The following SRCAP variants were observed in gnomAD, a reference collection of about 807,000 sequenced individuals.
SRCAP encodes chromatin remodeling protein SRCAP.
A neutral mutation model predicts 263.1 loss-of-function variants in SRCAP; 46 were observed. The observed-to-expected ratio is 0.17, with a 90% CI of 0.14 to 0.22. The LOEUF is 0.22. SRCAP is among the 10% of genes least tolerant of loss of function. The pLI is 1.00. For missense variants in SRCAP, 3,695 were observed against 4,181.9 expected, an observed-to-expected ratio of 0.88 and a Z score of 3.21; for synonymous variants, 1,813 against 1,662.1, an observed-to-expected ratio of 1.09 and a Z score of -2.21.
intron 6 of SRCAP, among the ~76,000 whole-genome samples, chr16:30,708,398 C>A (rs1170115730): frequency 6.6e-6 from 1 of 151,358 alleles, no homozygotes; most frequent in East Asian, 1.9e-4. Flanking sequence ...TTTTTAATTT[C>A]TTTTTTTTTA....
At position 30,704,165 on chromosome 16, in the gene SRCAP, T is replaced by G; in HGVS notation, c.156T>G (p.Ala52=). 6.2e-7 allele frequency: 1 copy of G among 1,614,132 alleles called. No individual in the cohort carries two copies. The highest frequency in any genetic ancestry group is 8.5e-7 in the Non-Finnish European group (1 of 1,180,028). ...GCGGCATCTCCCCGCAGCACATAGCTCAAGATTCCTCACTGGATGGACCTC... is the reference window on the plus strand; with the variant it reads ...GCGGCATCTCCCCGCAGCACATAGCGCAAGATTCCTCACTGGATGGACCTC... ...GAGGISPQHI[A]QDSSLDGPPG... The change falls in exon 4 of 34, where the codon GCT becomes GCG. Residue 52 remains alanine, a synonymous_variant. Transcript: ENST00000262518.
chr16:30,699,642 C>T (rs913422754), intron 1 of SRCAP, among the ~76,000 whole-genome samples: 5 of 151,952 alleles, frequency 3.3e-5, no homozygotes, highest in Non-Finnish European at 5.9e-5. Context: ...CTTTTTTTTG[C>T]TGTATTTTTT....
chr16:30,736,467 G>A lies in SRCAP; in HGVS notation c.6924+73G>A, dbSNP rs2053161513. The A allele has an allele frequency of 1.9e-6, 3 of 1,609,886 alleles. No homozygotes were observed. In the Admixed American group the frequency reaches 5.0e-5, roughly 27 times the overall value. On this transcript the variant is annotated intron_variant, in intron 32 of 33. Transcript: ENST00000262518. ...TTGTGACCCTCCTTTTGTCTTCCCT[G>A]GTGGGAATAAATAAGGGTGGTGGGG...
At position 30,736,200 on chromosome 16, in the gene SRCAP, G is replaced by A. The variant is rs2053159398; in HGVS notation, c.6730G>A (p.Ala2244Thr). Residue 2244 changes from alanine (A) to threonine (T), a missense_variant and splice_region_variant, in exon 32 of 34, where the codon GCA becomes ACA. Physicochemically the swap from Ala to Thr is moderately conservative, Grantham distance 58. This residue lies in a region of SRCAP where 53 missense variants were observed against 45.6 expected (regional missense o/e 1.16). Coordinates refer to ENST00000262518, the MANE Select transcript of SRCAP (RefSeq NM_006662.3). ...CTTTTTCTTTTATACACCCTGGTAGGCATTGTGTCGGGCAGAAGATGAAGA... is the reference window on the plus strand; with the variant it reads ...CTTTTTCTTTTATACACCCTGGTAGACATTGTGTCGGGCAGAAGATGAAGA... Reference protein sequence around the residue: ...ASKQTHILEQALCRAEDEEDI... With the variant: ...ASKQTHILEQTLCRAEDEEDI... 6.2e-7 allele frequency: 1 copy of A among 1,613,908 alleles called. No individual in the cohort carries two copies. The highest frequency in any genetic ancestry group is 1.7e-5 in the Admixed American group (1 of 59,994).
Position 30,700,753 on chromosome 16 carries a change from T to C in SRCAP, c.-72T>C. The C allele has an allele frequency of 6.8e-7, 1 of 1,460,456 alleles. No individual in the cohort carries two copies. The highest frequency in any genetic ancestry group is 9.5e-7 in the Non-Finnish European group (1 of 1,050,550). 90.5% of individuals were successfully genotyped at this position (1,460,456 alleles called of 1,614,324 possible). A position where few individuals can be genotyped will look rare whatever the true frequency, so the allele number is the denominator to read the frequency against. ...TGCCCTGCAGCCGGACGCCAGCCCC[T>C]CGGCCAGCAGTACTGGTGATAACAA... On this transcript the variant is annotated 5_prime_UTR_variant, in exon 3 of 34. Transcript: ENST00000262518.
chr16:30,714,191 A>G (rs1326531664), intron 16 of SRCAP, among the ~76,000 whole-genome samples: 8 of 150,996 alleles, frequency 5.3e-5, no homozygotes, highest in Admixed American at 5.3e-4. Context: ...CAGCCTCCCG[A>G]GTAGCTGGGA....
chr16:30,713,143 A>G lies in SRCAP; in HGVS notation c.2131-65A>G, dbSNP rs2052910612. 6 of 1,521,212 alleles carry G rather than the reference A, an allele frequency of 3.9e-6. No individual in the cohort carries two copies. In the South Asian group the frequency reaches 4.5e-5, roughly 11 times the overall value. The allele number at this position is 1,521,212 out of a possible 1,614,324, so 94.2% of individuals were successfully genotyped here. A position where few individuals can be genotyped will look rare whatever the true frequency, so the allele number is the denominator to read the frequency against. ...ATTACTGTCCTTTGAGGAGTTTAGCATGTCTTCCCTTTGCTCTCTTCTTTT... is the reference window on the plus strand; with the variant it reads ...ATTACTGTCCTTTGAGGAGTTTAGCGTGTCTTCCCTTTGCTCTCTTCTTTT... On this transcript the variant is annotated intron_variant, in intron 14 of 33. Coordinates refer to ENST00000262518, the MANE Select transcript of SRCAP (RefSeq NM_006662.3).
chr16:30,728,873 T>G, intron 25 of SRCAP, 93 bp from the exon 26 acceptor site: 2 of 1,410,712 alleles, frequency 1.4e-6, no homozygotes, highest in Non-Finnish European at 1.9e-6. Context: ...ATCCCATGGT[T>G]TCTATATATT....
At position 30,709,841 on chromosome 16, in the gene SRCAP, C is replaced by T. The variant is rs1268089057; in HGVS notation, c.857-10C>T. On this transcript the variant is annotated splice_polypyrimidine_tract_variant and intron_variant, in intron 7 of 33. Coordinates refer to ENST00000262518, the MANE Select transcript of SRCAP (RefSeq NM_006662.3). ...CCCGTGGACTTTGTGACCTTGTTCT[C>T]CTGCTATAGATGGGGACTTTCAACC... The T allele has an allele frequency of 6.2e-7, 1 of 1,613,742 alleles. No homozygotes were observed. The highest frequency in any genetic ancestry group is 8.5e-7 in the Non-Finnish European group (1 of 1,179,724).
chr16:30,729,197 C>G lies in SRCAP; in HGVS notation c.5890C>G (p.Gln1964Glu), dbSNP rs200516087. 2.5e-6 allele frequency: 4 copies of G among 1,611,890 alleles called. No individual in the cohort carries two copies. The highest frequency in any genetic ancestry group is 1.3e-5 in the African/African-American group (1 of 74,990). ...CCACCGGGCTGTACTGTTTCCCCAG[C>G]AGCGACTAGACCAGCTGTCAGAAAT... ...AAHRAVLFPQ[Q>E]RLDQLSEIIE... The change falls in exon 26 of 34, where the codon CAG becomes GAG. Residue 1964 changes from glutamine (Q) to glutamate (E), a missense_variant. Gln to Glu is a conservative substitution (Grantham distance 29). Around this residue, in one of 12 missense-constraint regions of SRCAP, gnomAD observed 1,347 missense variants for 1,304.4 expected, o/e 1.03. Transcript: ENST00000262518.
At chr16:30,725,818 T>C (rs1260327388) in intron 25 of SRCAP, 1 of 151,118 alleles carries the variant, frequency 6.6e-6, no homozygotes, top group Non-Finnish European at 1.5e-5. Context: ...CAGATGGGGG[T>C]CTCCCACTCT....
Position 30,725,117 on chromosome 16 carries a change from T to C in SRCAP, c.5658+35T>C, listed in dbSNP as rs1051619796. The C allele has an allele frequency of 1.9e-6, 3 of 1,565,216 alleles. No homozygotes were observed. The African/African-American group carries it at 4.1e-5, about 21-fold the overall frequency. ...ACTTCCTCAAGAGGGAACAGGAAGT[T>C]GAGTTTCTTTGGAGTGTTGGTAGGG... is the stretch of plus-strand genomic sequence containing the variant. On this transcript the variant is annotated intron_variant, in intron 25 of 33. Transcript: ENST00000262518.
At position 30,722,260 on chromosome 16, in the gene SRCAP, C is replaced by T; in HGVS notation, c.3680C>T (p.Ala1227Val). 1 of 1,614,082 alleles carries T rather than the reference C, an allele frequency of 6.2e-7. No individual in the cohort carries two copies. Among genetic ancestry groups the T allele is most frequent in the Non-Finnish European group, 8.5e-7 (1 of 1,179,998 alleles). ...TLTGAQVRQL[A>V]VGQPRPLQRN... ...ACTGGTGCCCAGGTGCGCCAGCTTG[C>T]TGTGGGGCAGCCCCGCCCGCTGCAA... The change falls in exon 22 of 34, where the codon GCT (alanine) becomes GTT (valine). Residue 1227 changes from alanine (A) to valine (V), a missense_variant. Ala to Val is a moderately conservative substitution (Grantham distance 64, BLOSUM62 0). Transcript: ENST00000262518.
At chr16:30,706,100 T>G (rs2052824574) in intron 4 of SRCAP, among the ~76,000 whole-genome samples, 1 of 152,182 alleles carries the variant, frequency 6.6e-6, no homozygotes, top group African/African-American at 2.4e-5. Flanking sequence ...TCAGGCCATT[T>G]AGTCCTGTCT....
Position 30,724,470 on chromosome 16 carries a change from C to G in SRCAP, c.5046C>G (p.Ala1682=), listed in dbSNP as rs763881198. 16 of 1,614,092 alleles carry G rather than the reference C, an allele frequency of 9.9e-6. No individual in the cohort carries two copies. The highest frequency in any genetic ancestry group is 8.5e-7 in the Non-Finnish European group (1 of 1,180,042). ...GCCCGGCTTCTACGCAGACACTGGCCCTAGCCCCAGCTTTAGCACCCACTC... is the reference window on the plus strand; with the variant it reads ...GCCCGGCTTCTACGCAGACACTGGCGCTAGCCCCAGCTTTAGCACCCACTC... The part of the protein sequence containing the change: ...LPSPASTQTL[A]LAPALAPTLG... The change falls in exon 25 of 34, where the codon GCC becomes GCG. Residue 1682 remains alanine, a synonymous_variant. Transcript: ENST00000262518.
Position 30,733,604 on chromosome 16 carries a change from C to T in SRCAP, c.6300C>T (p.Ala2100=). The change falls in exon 29 of 34, where the codon GCC becomes GCT. Residue 2100 remains alanine (A), a splice_region_variant and synonymous_variant. Coordinates refer to ENST00000262518, the MANE Select transcript of SRCAP (RefSeq NM_006662.3). The surrounding 1 kb of genome is among the most constrained non-coding windows in gnomAD (Gnocchi z 5.3). ...DGSTRVEQRQ[A]LMERFNADKR... is the part of the protein sequence containing the mutation. ...TCTTTTTTTCCCTTTCCTTCTAGGCCTTGATGGAACGGTTCAATGCAGACA... is the reference window on the plus strand; with the variant it reads ...TCTTTTTTTCCCTTTCCTTCTAGGCTTTGATGGAACGGTTCAATGCAGACA... 1.9e-6 allele frequency: 3 copies of T among 1,612,254 alleles called. No individual in the cohort carries two copies. The highest frequency in any genetic ancestry group is 2.5e-6 in the Non-Finnish European group (3 of 1,178,726).
rs898049047 is a variant in SRCAP, at chr16:30,737,012, GCCT to G, written c.7009-30_7009-28del. On this transcript the variant is annotated intron_variant, in intron 33 of 33. Coordinates refer to ENST00000262518, the MANE Select transcript of SRCAP (RefSeq NM_006662.3). Reference sequence around the variant, plus strand: ...TTTCTACTCACTCTCTACTCTGCTTGCCTCCTCCTGACCACTTTTGGACCCTGT... The same window carrying G: ...TTTCTACTCACTCTCTACTCTGCTTGCCTCCTGACCACTTTTGGACCCTGT... 11 of 1,541,602 alleles carry G rather than the reference GCCT, an allele frequency of 7.1e-6. No individual in the cohort carries two copies. The African/African-American group carries it at 1.1e-4, about 15-fold the overall frequency.
chr16:30,724,006 G>T lies in SRCAP; in HGVS notation c.4582G>T (p.Ala1528Ser), dbSNP rs2053037546. Residue 1528 changes from alanine to serine, a missense_variant, in exon 25 of 34, where the codon GCT becomes TCT. Transcript: ENST00000262518. Reference sequence around the variant, plus strand: ...GACACCTGGTCACCCTCTGTTGTTGGCTCCCACCTCTTCACATGTTCCAGG... The same window carrying T: ...GACACCTGGTCACCCTCTGTTGTTGTCTCCCACCTCTTCACATGTTCCAGG... Reference protein sequence around the residue: ...SQTPGHPLLLAPTSSHVPGLN... With the variant: ...SQTPGHPLLLSPTSSHVPGLN... The T allele has an allele frequency of 6.2e-7, 1 of 1,613,914 alleles. No homozygotes were observed. Among genetic ancestry groups the T allele is most frequent in the Non-Finnish European group, 8.5e-7 (1 of 1,179,992 alleles).
In SRCAP at chr16:30,738,201, C is replaced by T. The variant is rs750792078; in HGVS notation, c.8161C>T (p.Arg2721Trp). 1.4e-5 allele frequency: 22 copies of T among 1,614,088 alleles called. No homozygotes were observed. The highest frequency in any genetic ancestry group is 2.2e-5 in the East Asian group (1 of 44,906). The change falls in exon 34 of 34, where the codon CGG (arginine) becomes TGG (tryptophan). Residue 2721 changes from arginine to tryptophan, a missense_variant. By Grantham distance (101) the Arg-to-Trp change is moderately radical. Coordinates refer to ENST00000262518, the MANE Select transcript of SRCAP (RefSeq NM_006662.3). ...PEGPSPARPP[R>W]RRTSADVEIR... is the part of the protein sequence containing the mutation. ...GGGTCCTTCACCTGCCCGACCTCCTCGGCGTCGCACCAGTGCTGATGTGGA... is the reference window on the plus strand; with the variant it reads ...GGGTCCTTCACCTGCCCGACCTCCTTGGCGTCGCACCAGTGCTGATGTGGA...
Sources: allele counts gnomAD v4.1 joint callset (sites outside exome capture counted in the v4.1 genomes callset), GRCh38; gene constraint gnomAD v4.1.1; regional missense constraint gnomAD v4.1.1; non-coding constraint Gnocchi (gnomAD v3.1); transcripts MANE v1.5; gene names NCBI Gene and HGNC (gene_info 2026-07-23, HGNC 2026-07-21).